Variants in APLP2 observed in about 807,000 individuals in gnomAD.
The protein encoded by APLP2 is CDEI box-binding protein.
Under a neutral mutation model 89.9 loss-of-function variants are expected in APLP2, and 53 were observed. The ratio of observed to expected loss-of-function variants is 0.59; its 90% CI spans 0.47 to 0.74. APLP2 has a LOEUF of 0.74. Ranked by LOEUF, APLP2 falls within the 30% of genes least tolerant of loss-of-function variation. APLP2 has a pLI of 0.00. For synonymous variants in APLP2, 372 were observed against 348.6 expected, an observed-to-expected ratio of 1.07 and a Z score of -0.75; for missense variants, 973 against 975.9, an observed-to-expected ratio of 1.00 and a Z score of 0.04.
At chr11:130,136,956 CTAAGAAAAATAAT>C (rs1394886227) in intron 13 of APLP2, among the ~76,000 whole-genome samples, 1 of 152,100 alleles carries the variant, frequency 6.6e-6, no homozygotes, top group Non-Finnish European at 1.5e-5. Flanking sequence ...TCACTTTTTT[CTAAGAAAAATAAT>C]TATGTGGGCT....
intron 1 of APLP2, among the ~76,000 whole-genome samples, chr11:130,079,200 G>A (rs1942707884): frequency 6.6e-6 from 1 of 152,020 alleles, no homozygotes; most frequent in Admixed American, 6.6e-5. Flanking sequence ...CCGGGTTCAA[G>A]CGATTCTTCT....
chr11:130,114,943 AG>A (rs1949001140), intron 3 of APLP2, among the ~76,000 whole-genome samples: 1 of 152,140 alleles, frequency 6.6e-6, no homozygotes, highest in African/African-American at 2.4e-5. Flanking sequence ...CAAGTCTTCT[AG>A]CCTTTGAGTT....
intron 10 of APLP2, 99 bp from the exon 11 acceptor site, chr11:130,129,939 G>A (rs1250067625): frequency 7.3e-7 from 1 of 1,365,802 alleles, no homozygotes; most frequent in African/African-American, 1.4e-5. Flanking sequence ...GTGCCTAGCT[G>A]AGCTTTACAT....
At chr11:130,097,210 A>G (rs1217006709) in intron 1 of APLP2, among the ~76,000 whole-genome samples, 1 of 152,196 alleles carries the variant, frequency 6.6e-6, no homozygotes, top group Non-Finnish European at 1.5e-5. Flanking sequence ...ATCCAGATTG[A>G]TATCTGAGTG....
At position 130,141,279 on chromosome 11, in the gene APLP2, A is replaced by G; in HGVS notation, c.1924-219A>G. On this transcript the variant is annotated intron_variant, in intron 14 of 16. Transcript: ENST00000338167. This position sits in a 1 kb window ranked among gnomAD's most constrained non-coding sequence, Gnocchi z 4.2. Reference sequence around the variant, plus strand: ...TTACTTGAAGGAAAATGCATACGGGACCAGCTGCCATAATATAGTCTTCCC... The same window carrying G: ...TTACTTGAAGGAAAATGCATACGGGGCCAGCTGCCATAATATAGTCTTCCC... 1 of 549,538 alleles carries G rather than the reference A, an allele frequency of 1.8e-6. No individual in the cohort carries two copies. The highest frequency in any genetic ancestry group is 3.2e-6 in the Non-Finnish European group (1 of 308,012). The allele number at this position is 549,538 out of a possible 1,614,324, so 34.0% of individuals were successfully genotyped here. A position where few individuals can be genotyped will look rare whatever the true frequency, so the allele number is the denominator to read the frequency against.
chr11:130,115,575 C>G (rs1031263019), intron 3 of APLP2, among the ~76,000 whole-genome samples: 2 of 152,212 alleles, frequency 1.3e-5, no homozygotes, highest in Admixed American at 6.5e-5. Context: ...TTGCCATATT[C>G]ATTGATCAGC....
intron 1 of APLP2, among the ~76,000 whole-genome samples, chr11:130,091,508 T>C (rs1945183133): frequency 1.6e-5 from 2 of 123,132 alleles, no homozygotes; most frequent in African/African-American, 6.8e-5. Flanking sequence ...CCCCCCCACC[T>C]CCCTCCCGGA....
intron 3 of APLP2, among the ~76,000 whole-genome samples, chr11:130,118,426 G>A (rs974372356): frequency 3.3e-5 from 5 of 152,168 alleles, no homozygotes; most frequent in South Asian, 2.1e-4. Context: ...TAAAGAAACC[G>A]AGGGACAGAA....
chr11:130,141,358 C>A lies in APLP2; in HGVS notation c.1924-140C>A. 1 of 668,972 alleles carries A rather than the reference C, an allele frequency of 1.5e-6. No homozygotes were observed. The highest frequency in any genetic ancestry group is 2.7e-6 in the Non-Finnish European group (1 of 373,962). The allele number at this position is 668,972 out of a possible 1,614,324, so 41.4% of individuals were successfully genotyped here. ...GGGGAGTGGATTTGGAAGGCTGTGA[C>A]AGAACTGGTTGGTTAATGGGGGTCC... On this transcript the variant is annotated intron_variant, in intron 14 of 16. Coordinates refer to ENST00000338167, the MANE Select transcript of APLP2 (RefSeq NM_001142276.2). The surrounding 1 kb of genome is among the most constrained non-coding windows in gnomAD (Gnocchi z 4.2).
At chr11:130,080,895 C>T (rs1254186808) in intron 1 of APLP2, among the ~76,000 whole-genome samples, 1 of 151,696 alleles carries the variant, frequency 6.6e-6, no homozygotes, top group East Asian at 1.9e-4. Flanking sequence ...GATGGGGTTT[C>T]ACTGTGTTAG....
At chr11:130,075,066 T>C (rs1941867068) in intron 1 of APLP2, among the ~76,000 whole-genome samples, 1 of 152,228 alleles carries the variant, frequency 6.6e-6, no homozygotes, top group Middle Eastern at 3.2e-3. Context: ...CAAGCAGAAA[T>C]GAGTTCCAGT....
chr11:130,091,230 C>T (rs1319784389), intron 1 of APLP2, among the ~76,000 whole-genome samples: 8 of 135,498 alleles, frequency 5.9e-5, no homozygotes, highest in Admixed American at 7.0e-5. Flanking sequence ...TGACCCCCCC[C>T]ACCTCCCTCC....
chr11:130,137,271 T>G (rs766057886), intron 13 of APLP2: 1 of 1,614,198 alleles, frequency 6.2e-7, no homozygotes, highest in Admixed American at 1.7e-5. Context: ...CAGCCGGAGT[T>G]GTACCACCCA....
At chr11:130,122,659 G>T in intron 6 of APLP2, 146 bp downstream of exon 6, 1 of 1,399,262 alleles carries the variant, frequency 7.1e-7, no homozygotes, top group Non-Finnish European at 9.6e-7. Flanking sequence ...CTCCAGTGCA[G>T]TGATGGGATG....
At chr11:130,090,792 C>T (rs865883955) in intron 1 of APLP2, among the ~76,000 whole-genome samples, 3 of 152,176 alleles carry the variant, frequency 2.0e-5, no homozygotes, top group African/African-American at 4.8e-5. Context: ...ACCTCCCAGA[C>T]GGGGTGGTGG....
chr11:130,117,577 G>A (rs912129084), intron 3 of APLP2, among the ~76,000 whole-genome samples: 1 of 151,978 alleles, frequency 6.6e-6, no homozygotes, highest in Non-Finnish European at 1.5e-5. Flanking sequence ...GCTAATTTTT[G>A]TATTTTTAGT....
At chr11:130,084,258 A>AC (rs397946221) in intron 1 of APLP2, among the ~76,000 whole-genome samples, 1 of 151,878 alleles carries the variant, frequency 6.6e-6, no homozygotes, top group Non-Finnish European at 1.5e-5. Context: ...AAAAAAAAAA[A>AC]TGCTTTTTCT....
intron 1 of APLP2, chr11:130,102,083 G>T: frequency 2.5e-6 from 1 of 393,150 alleles, no homozygotes; most frequent in Non-Finnish European, 5.0e-6. Flanking sequence ...ACCTTGAAAG[G>T]ATACTGAGAA....
rs1246409082 is a variant in APLP2 at position 130,121,616 on chromosome 11, A to G, written c.519A>G (p.Ala173=). ...TGTGGCCTGTGGGTTTCTTTTAGGCATGTCTGACTCAGGGAATGACCTTAT... is the reference window on the plus strand; with the variant it reads ...TGTGGCCTGTGGGTTTCTTTTAGGCGTGTCTGACTCAGGGAATGACCTTAT... ...HQHWHTVVKE[A]CLTQGMTLYS... is the part of the protein sequence containing the mutation. Residue 173 remains alanine (A), a splice_region_variant and synonymous_variant, in exon 5 of 17, where the codon GCA becomes GCG. Coordinates refer to ENST00000338167, the MANE Select transcript of APLP2 (RefSeq NM_001142276.2). 1 of 1,612,360 alleles carries G rather than the reference A, an allele frequency of 6.2e-7. No individual in the cohort carries two copies. The highest frequency in any genetic ancestry group is 1.1e-5 in the South Asian group (1 of 90,920).
Sources: allele counts gnomAD v4.1 joint callset (sites outside exome capture counted in the v4.1 genomes callset), GRCh38; gene constraint gnomAD v4.1.1; non-coding constraint Gnocchi (gnomAD v3.1); transcripts MANE v1.5; gene names NCBI Gene and HGNC (gene_info 2026-07-23, HGNC 2026-07-21).